The following AUTS2 variants were observed in gnomAD, a reference collection of about 807,000 sequenced individuals.
AUTS2 encodes autism susceptibility gene 2 protein.
In AUTS2, 17 loss-of-function variants were observed where a neutral mutation model predicts 112.4. That is an observed-to-expected ratio of 0.15 (90% confidence interval 0.10 to 0.23). AUTS2 has a LOEUF of 0.23. Ranked by LOEUF, AUTS2 falls within the 10% of genes least tolerant of loss-of-function variation. AUTS2 has a pLI of 1.00. For missense variants in AUTS2, 1,510 were observed against 1,701.6 expected, an observed-to-expected ratio of 0.89 and a Z score of 1.98; for synonymous variants, 751 against 702.7, an observed-to-expected ratio of 1.07 and a Z score of -1.09.
At chr7:69,898,390 T>C (rs1414853536) in intron 1 of AUTS2, among the ~76,000 whole-genome samples, 1 of 152,174 alleles carries the variant, frequency 6.6e-6, no homozygotes, top group Non-Finnish European at 1.5e-5. Context: ...GATATTTGCA[T>C]GTATGTGGTT....
At chr7:70,012,041 A>G (rs1799830173) in intron 2 of AUTS2, among the ~76,000 whole-genome samples, 1 of 152,306 alleles carries the variant, frequency 6.6e-6, no homozygotes, top group Admixed American at 6.5e-5. Flanking sequence ...GTGTGCAGTC[A>G]TCATGCTAAG....
chr7:69,815,978 C>CT (rs1328063017), intron 1 of AUTS2, among the ~76,000 whole-genome samples: 1 of 152,164 alleles, frequency 6.6e-6, no homozygotes, highest in East Asian at 1.9e-4. Context: ...TGTGTTTGGA[C>CT]TTGGGTGACT....
chr7:69,834,045 C>G (rs1358743016), intron 1 of AUTS2, among the ~76,000 whole-genome samples: 1 of 152,068 alleles, frequency 6.6e-6, no homozygotes, highest in African/African-American at 2.4e-5. Context: ...CTGCGATAGG[C>G]CTTGGAGAGG....
intron 4 of AUTS2, among the ~76,000 whole-genome samples, chr7:70,364,935 T>C (rs539561263): frequency 3.3e-5 from 5 of 152,328 alleles, no homozygotes; most frequent in African/African-American, 7.2e-5. Context: ...CTGGCACATA[T>C]CTCTCAGCAG....
At chr7:70,211,585 G>C (rs1157590636) in intron 4 of AUTS2, among the ~76,000 whole-genome samples, 4 of 147,122 alleles carry the variant, frequency 2.7e-5, no homozygotes, top group East Asian at 2.1e-4. Context: ...GGAGGCGGAG[G>C]TTGCAGTGAG....
intron 5 of AUTS2, among the ~76,000 whole-genome samples, chr7:70,446,805 C>T (rs957447454): frequency 2.6e-5 from 4 of 152,146 alleles, no homozygotes; most frequent in Admixed American, 6.5e-5. Context: ...AGAGGTGCTG[C>T]GGGCAGTGGC....
intron 2 of AUTS2, among the ~76,000 whole-genome samples, chr7:70,006,309 T>G (rs959665205): frequency 6.6e-6 from 1 of 152,160 alleles, no homozygotes; most frequent in Non-Finnish European, 1.5e-5. Flanking sequence ...CACATTGCCT[T>G]TGAGAGAAAC....
chr7:70,402,068 C>G (rs1356037582), intron 4 of AUTS2, among the ~76,000 whole-genome samples: 1 of 152,222 alleles, frequency 6.6e-6, no homozygotes, highest in Non-Finnish European at 1.5e-5. Flanking sequence ...GGGGTCCTTG[C>G]TCCCCGCAAA....
intron 1 of AUTS2, among the ~76,000 whole-genome samples, chr7:69,655,884 A>G (rs1795507383): frequency 6.6e-6 from 1 of 152,116 alleles, no homozygotes; most frequent in Admixed American, 6.5e-5. Flanking sequence ...GGGCTGTTGT[A>G]CTATTGCAGT....
intron 4 of AUTS2, among the ~76,000 whole-genome samples, chr7:70,193,010 C>T (rs944897331): frequency 5.3e-5 from 8 of 152,140 alleles, no homozygotes; most frequent in African/African-American, 1.2e-4. Context: ...CCAGTATGTG[C>T]GAAGAGAGAA....
intron 5 of AUTS2, among the ~76,000 whole-genome samples, chr7:70,573,909 T>C (rs1251693265): frequency 1.3e-5 from 2 of 152,182 alleles, no homozygotes; most frequent in Non-Finnish European, 2.9e-5. Flanking sequence ...TAAATAAACA[T>C]ATCGTGCATC....
intron 4 of AUTS2, among the ~76,000 whole-genome samples, chr7:70,240,535 G>A (rs770338566): frequency 5.3e-5 from 8 of 152,146 alleles, no homozygotes; most frequent in Non-Finnish European, 1.0e-4. Context: ...CTCCGGTCTA[G>A]TATTACTAAC....
At chr7:70,503,849 A>T (rs893492476) in intron 5 of AUTS2, among the ~76,000 whole-genome samples, 8 of 151,352 alleles carry the variant, frequency 5.3e-5, no homozygotes, top group African/African-American at 1.9e-4. Context: ...AAGGAAAAAA[A>T]AAAAAAGAAG....
chr7:70,256,582 A>G (rs192508518), intron 4 of AUTS2, among the ~76,000 whole-genome samples: 1 of 152,316 alleles, frequency 6.6e-6, no homozygotes, highest in African/African-American at 2.4e-5. Flanking sequence ...GCTGCCCCAG[A>G]GTCCTGCAAG....
At chr7:69,718,845 A>G (rs995657946) in intron 1 of AUTS2, among the ~76,000 whole-genome samples, 3 of 152,170 alleles carry the variant, frequency 2.0e-5, no homozygotes, top group African/African-American at 7.2e-5. Context: ...ATTCTTTGCA[A>G]AATAAATTGT....
At chr7:70,514,111 G>T (rs796938670) in intron 5 of AUTS2, among the ~76,000 whole-genome samples, 8 of 152,280 alleles carry the variant, frequency 5.3e-5, no homozygotes, top group African/African-American at 1.9e-4. Context: ...TTATCTATAT[G>T]AGATAGAGCT....
intron 2 of AUTS2, among the ~76,000 whole-genome samples, chr7:70,031,432 A>G (rs902291078): frequency 6.6e-6 from 1 of 152,160 alleles, no homozygotes; most frequent in African/African-American, 2.4e-5. Context: ...CGAAGAGAGC[A>G]CTAACGTCCT....
intron 5 of AUTS2, among the ~76,000 whole-genome samples, chr7:70,532,935 T>G (rs1432422029): frequency 6.6e-6 from 1 of 152,208 alleles, no homozygotes; most frequent in Non-Finnish European, 1.5e-5. Context: ...TGGTTCCTTA[T>G]CCTTTGCTTC....
chr7:70,781,595 CT>C lies in AUTS2; in HGVS notation c.2005-19del, dbSNP rs1554486093. On this transcript the variant is annotated intron_variant, in intron 14 of 18. Transcript: ENST00000342771. ...CTTGCTGTTGGCCTTGGGACCCTTA[CT>C]GTTCCCCTTGCTGTGTAGAAACAGA... The C allele has an allele frequency of 1.9e-6, 3 of 1,613,564 alleles. No homozygotes were observed. The highest frequency in any genetic ancestry group is 2.5e-6 in the Non-Finnish European group (3 of 1,179,712).
Sources: allele counts gnomAD v4.1 joint callset (sites outside exome capture counted in the v4.1 genomes callset), GRCh38; gene constraint gnomAD v4.1.1; transcripts MANE v1.5; gene names NCBI Gene and HGNC (gene_info 2026-07-23, HGNC 2026-07-21).